Variants in RAPGEF5 observed in about 807,000 individuals in gnomAD.
The protein encoded by RAPGEF5 is Rap guanine nucleotide exchange factor 5.
A neutral mutation model predicts 125.2 loss-of-function variants in RAPGEF5; 65 were observed. The ratio of observed to expected loss-of-function variants is 0.52; its 90% CI spans 0.43 to 0.64. RAPGEF5 has a LOEUF of 0.64. Ranked by LOEUF, RAPGEF5 falls within the 30% of genes least tolerant of loss-of-function variation. RAPGEF5 has a pLI of 0.00. For missense variants in RAPGEF5, 958 were observed against 1,048.1 expected (o/e 0.91, Z 1.19); for synonymous variants, 391 against 385.9 (o/e 1.01, Z -0.16).
chr7:22,122,936 T>C (rs1299433033), intron 25 of RAPGEF5, among the ~76,000 whole-genome samples: 1 of 152,116 alleles, frequency 6.6e-6, no homozygotes, highest in Non-Finnish European at 1.5e-5. Context: ...GTCCTATATC[T>C]CAGTCTAGAA....
intron 6 of RAPGEF5, among the ~76,000 whole-genome samples, chr7:22,287,412 C>T (rs1348853487): frequency 6.6e-6 from 1 of 152,168 alleles, no homozygotes; most frequent in East Asian, 1.9e-4. Context: ...ACTTTTCCTC[C>T]TGATGAACCT....
chr7:22,351,459 G>C (rs1446095854), intron 1 of RAPGEF5, among the ~76,000 whole-genome samples: 1 of 152,148 alleles, frequency 6.6e-6, no homozygotes. Flanking sequence ...GAAAACTAAA[G>C]TTAATTCAGA....
At position 22,118,386 on chromosome 7, in the gene RAPGEF5, A is replaced by C. The variant is rs1254090078; in HGVS notation, c.*4020T>G. The stretch of plus-strand genomic sequence containing the variant: ...ACAAGATAAGGTAAGGGTTACTTAT[A>C]TAAGTTTTAACCTTATATTGCTTGG... On this transcript the variant is annotated 3_prime_UTR_variant, in exon 26 of 26. Transcript: ENST00000665637. 1 of 152,628 alleles carries C rather than the reference A, an allele frequency of 6.6e-6. No individual in the cohort carries two copies. The highest frequency in any genetic ancestry group is 2.4e-5 in the African/African-American group (1 of 41,452). The allele number at this position is 152,628 out of a possible 1,614,324, so 9.5% of individuals were successfully genotyped here.
At chr7:22,355,530 T>G (rs1285965767) in intron 1 of RAPGEF5, among the ~76,000 whole-genome samples, 2 of 152,192 alleles carry the variant, frequency 1.3e-5, no homozygotes, top group Non-Finnish European at 2.9e-5. Flanking sequence ...TCACTTACTT[T>G]GCAGGCAATC....
At chr7:22,319,984 C>T (rs1318259663) in intron 1 of RAPGEF5, among the ~76,000 whole-genome samples, 1 of 152,178 alleles carries the variant, frequency 6.6e-6, no homozygotes, top group Non-Finnish European at 1.5e-5. Context: ...TAACAGAAAC[C>T]TCCCCCATGG....
intron 13 of RAPGEF5, 146 bp from the exon 14 acceptor site, chr7:22,160,761 A>G (rs77247541): frequency 0.022 from 21,140 of 951,976 alleles, 326 homozygotes; most frequent in Middle Eastern, 0.056. Flanking sequence ...GAGATCCAGA[A>G]TGGGATCATA....
At chr7:22,330,132 A>G (rs1783887496) in intron 1 of RAPGEF5, among the ~76,000 whole-genome samples, 1 of 152,252 alleles carries the variant, frequency 6.6e-6, no homozygotes, top group African/African-American at 2.4e-5. Flanking sequence ...CGATGACTCG[A>G]CACATAAAGG....
chr7:22,263,962 AAT>A (rs772914364), intron 7 of RAPGEF5, among the ~76,000 whole-genome samples: 20 of 152,254 alleles, frequency 1.3e-4, no homozygotes, highest in Non-Finnish European at 2.5e-4. Flanking sequence ...AGCAAGAAAA[AAT>A]AGTTATTTTT....
chr7:22,220,216 G>T, intron 8 of RAPGEF5: 1 of 508,186 alleles, frequency 2.0e-6, no homozygotes. Context: ...CCTACTTTAA[G>T]AGGGTGAAGG....
At chr7:22,229,548 C>T (rs569055502) in intron 8 of RAPGEF5, among the ~76,000 whole-genome samples, 2 of 152,314 alleles carry the variant, frequency 1.3e-5, no homozygotes, top group East Asian at 3.9e-4. Flanking sequence ...ATAAATTACA[C>T]ACATACGTAC....
At chr7:22,273,451 CT>C (rs1277519666) in intron 6 of RAPGEF5, among the ~76,000 whole-genome samples, 1 of 152,018 alleles carries the variant, frequency 6.6e-6, no homozygotes, top group Non-Finnish European at 1.5e-5. Flanking sequence ...ATCTCCTGAC[CT>C]TGTGATCCGC....
At chr7:22,283,809 C>T (rs1292236753) in intron 6 of RAPGEF5, among the ~76,000 whole-genome samples, 1 of 152,116 alleles carries the variant, frequency 6.6e-6, no homozygotes, top group Non-Finnish European at 1.5e-5. Flanking sequence ...ATCCTCTTTC[C>T]CTATTCCTAA....
intron 6 of RAPGEF5, among the ~76,000 whole-genome samples, chr7:22,278,917 T>C (rs1562504714): frequency 6.6e-6 from 1 of 152,086 alleles, no homozygotes; most frequent in Non-Finnish European, 1.5e-5. Flanking sequence ...CCTGCATAGA[T>C]AAGCTCTTGA....
intron 7 of RAPGEF5, among the ~76,000 whole-genome samples, chr7:22,244,804 C>G (rs1786434546): frequency 6.6e-6 from 1 of 152,106 alleles, no homozygotes; most frequent in Admixed American, 6.6e-5. Context: ...GTGCAGATAT[C>G]TCTTCAACAT....
chr7:22,118,847 A>G lies in RAPGEF5; in HGVS notation c.*3559T>C, dbSNP rs1583370193. 2 of 152,766 alleles carry G rather than the reference A, an allele frequency of 1.3e-5. No homozygotes were observed. Among genetic ancestry groups the G allele is most frequent in the African/African-American group, 2.4e-5 (1 of 41,576 alleles). The allele number at this position is 152,766 out of a possible 1,614,324, so 9.5% of individuals were successfully genotyped here. ...TTTAGTATATACAGCTTTGCTTTAT[A>G]CAGTAATACATTTGCATCTAACTTT... On this transcript the variant is annotated 3_prime_UTR_variant, in exon 26 of 26. Coordinates refer to ENST00000665637, the MANE Select transcript of RAPGEF5 (RefSeq NM_012294.5).
In RAPGEF5 at chr7:22,291,217, G is replaced by A. The variant is rs945294116; in HGVS notation, c.705C>T (p.Ser235=). Residue 235 remains serine, a synonymous_variant, in exon 6 of 26, where the codon TCC becomes TCT. Transcript: ENST00000665637. ...CAAGAATTTCATCACTGCTTTCTTC[G>A]GAGTCTTCAATTTTCTGATGAGACC... ...CELSHQKIED[S]EESSDEILVR... is the part of the protein sequence containing the mutation. The A allele has an allele frequency of 5.7e-6, 9 of 1,572,528 alleles. No individual in the cohort carries two copies. The African/African-American group carries it at 8.2e-5, about 14-fold the overall frequency.
intron 7 of RAPGEF5, among the ~76,000 whole-genome samples, chr7:22,263,502 G>T (rs2078874337): frequency 6.6e-6 from 1 of 152,084 alleles, no homozygotes; most frequent in African/African-American, 2.4e-5. Context: ...GACAGAGACG[G>T]GTGGATCACC....
At chr7:22,129,378 C>T (rs919775884) in intron 24 of RAPGEF5, among the ~76,000 whole-genome samples, 8 of 152,114 alleles carry the variant, frequency 5.3e-5, no homozygotes, top group East Asian at 3.9e-4. Flanking sequence ...TTCCACTTGG[C>T]GTGACACACC....
At chr7:22,131,557 T>C (rs1782915198) in intron 23 of RAPGEF5, among the ~76,000 whole-genome samples, 1 of 152,182 alleles carries the variant, frequency 6.6e-6, no homozygotes, top group Admixed American at 6.5e-5. Context: ...CTAGTTAAGA[T>C]ATAGATTTAG....
Sources: gnomAD v4.1 joint callset for allele counts (sites outside exome capture counted in the v4.1 genomes callset) on GRCh38, gnomAD v4.1.1 for gene constraint, MANE v1.5 for transcripts, NCBI Gene and HGNC (gene_info 2026-07-23, HGNC 2026-07-21) for gene names.